Variants in CLIP2 observed in about 807,000 individuals in gnomAD.
CLIP2 encodes the protein CAP-Gly domain-containing linker protein 2.
Under a neutral mutation model 111.7 loss-of-function variants are expected in CLIP2, and 41 were observed. The observed-to-expected ratio is 0.37, with a 90% CI of 0.29 to 0.48. The LOEUF is 0.48. Among genes scored for constraint, CLIP2 ranks in the 20% least tolerant of loss-of-function variants. CLIP2 has a pLI of 0.99. For missense variants in CLIP2, 1,160 were observed against 1,422.1 expected (o/e 0.82, Z 2.96); for synonymous variants, 660 against 644.2 (o/e 1.02, Z -0.37).
intron 2 of CLIP2, among the ~76,000 whole-genome samples, chr7:74,318,520 C>T (rs559138222): frequency 6.6e-6 from 1 of 152,236 alleles, no homozygotes; most frequent in South Asian, 2.1e-4. Context: ...CAAGACCAGC[C>T]TGGGCAACAT....
At chr7:74,317,040 A>T (rs1788796089) in intron 1 of CLIP2, among the ~76,000 whole-genome samples, 1 of 152,184 alleles carries the variant, frequency 6.6e-6, no homozygotes, top group African/African-American at 2.4e-5. Context: ...TACCCAGTCT[A>T]AAAGTGGTCT....
At chr7:74,328,872 G>C (rs1353670308) in intron 2 of CLIP2, among the ~76,000 whole-genome samples, 1 of 150,678 alleles carries the variant, frequency 6.6e-6, no homozygotes, top group Non-Finnish European at 1.5e-5. Flanking sequence ...CAAGTAGCTG[G>C]TGCGCACCAC....
At position 74,337,787 on chromosome 7, in the gene CLIP2, G is replaced by A. The variant is rs143366721; in HGVS notation, c.122-661G>A. Among the ~76,000 whole-genome samples, 444 of 151,996 alleles carry A rather than the reference G, an allele frequency of 2.9e-3. 1 individual carries two copies. Among genetic ancestry groups the A allele is most frequent in the African/African-American group, 0.01 (425 of 41,454 alleles). On this transcript the variant is annotated intron_variant, in intron 2 of 16. Coordinates refer to ENST00000223398, the MANE Select transcript of CLIP2 (RefSeq NM_003388.5). ...ATTATTTTATTTTTAGTAGAGATGGGGTTTCACCATATTGGTCAGGCTGGT... is the reference window on the plus strand; with the variant it reads ...ATTATTTTATTTTTAGTAGAGATGGAGTTTCACCATATTGGTCAGGCTGGT...
chr7:74,305,104 G>A (rs1269406343), intron 1 of CLIP2, among the ~76,000 whole-genome samples: 10 of 149,138 alleles, frequency 6.7e-5, no homozygotes, highest in Admixed American at 5.4e-4. Context: ...TTGCCAGGGA[G>A]GACCCTCTAG....
intron 1 of CLIP2, among the ~76,000 whole-genome samples, chr7:74,310,815 G>A (rs914884245): frequency 8.6e-5 from 13 of 151,242 alleles, no homozygotes; most frequent in African/African-American, 1.9e-4. Context: ...GGGTTCAAGC[G>A]ATTCTTGTGC....
chr7:74,350,052 G>T (rs374536245), intron 3 of CLIP2, among the ~76,000 whole-genome samples: 1 of 151,520 alleles, frequency 6.6e-6, no homozygotes, highest in East Asian at 2.0e-4. Context: ...TTCTCTTTGG[G>T]ATGATGGTTA....
chr7:74,373,655 C>G (rs992799264), intron 9 of CLIP2, among the ~76,000 whole-genome samples: 4 of 152,216 alleles, frequency 2.6e-5, no homozygotes, highest in Non-Finnish European at 4.4e-5. Context: ...CCAGTCTCCC[C>G]GATGCATTGC....
chr7:74,307,183 C>T (rs1564028716), intron 1 of CLIP2, among the ~76,000 whole-genome samples: 1 of 152,200 alleles, frequency 6.6e-6, no homozygotes, highest in Non-Finnish European at 1.5e-5. Context: ...GACTGAATGC[C>T]GCCTTGGTTC....
chr7:74,358,774 T>C (rs1554309081), intron 6 of CLIP2, among the ~76,000 whole-genome samples: 1 of 151,984 alleles, frequency 6.6e-6, no homozygotes, highest in East Asian at 1.9e-4. Flanking sequence ...TCTTGCTATG[T>C]TGCCCAGGCT....
At chr7:74,302,237 A>G (rs1273440488) in intron 1 of CLIP2, among the ~76,000 whole-genome samples, 1 of 151,884 alleles carries the variant, frequency 6.6e-6, no homozygotes, top group African/African-American at 2.4e-5. Context: ...TTTTTTTGAA[A>G]TAGAGTCTTA....
At chr7:74,316,920 A>G (rs1788791773) in intron 1 of CLIP2, among the ~76,000 whole-genome samples, 1 of 149,554 alleles carries the variant, frequency 6.7e-6, no homozygotes, top group Non-Finnish European at 1.5e-5. Flanking sequence ...AAAAGGTTTT[A>G]CTCTGTCACC....
At position 74,322,541 on chromosome 7, in the gene CLIP2, A is replaced by C. The variant is rs575516119; in HGVS notation, c.121+4874A>C. 2.2e-3 allele frequency among the ~76,000 whole-genome samples: 335 copies of C among 152,034 alleles called. 1 individual carries two copies. Among genetic ancestry groups the C allele is most frequent in the South Asian group, 4.4e-3 (21 of 4,804 alleles). On this transcript the variant is annotated intron_variant, in intron 2 of 16. Transcript: ENST00000223398. The stretch of plus-strand genomic sequence containing the variant: ...CAGTGAGCCGAGACCACACCACTGC[A>C]CTCCAGCCTGGGCAACAGAGTGAGA...
chr7:74,330,208 C>T (rs1201662550), intron 2 of CLIP2, among the ~76,000 whole-genome samples: 2 of 151,332 alleles, frequency 1.3e-5, no homozygotes, highest in Non-Finnish European at 2.9e-5. Flanking sequence ...GGACTACAGG[C>T]TTGAGCCACT....
intron 1 of CLIP2, among the ~76,000 whole-genome samples, chr7:74,303,594 ATTTT>A (rs782240875): frequency 9.5e-6 from 1 of 105,622 alleles, no homozygotes; most frequent in Admixed American, 9.5e-5. Context: ...TGTGTCTCTT[ATTTT>A]TTTTTTTTTT....
intron 11 of CLIP2, among the ~76,000 whole-genome samples, chr7:74,385,962 G>A (rs549715744): frequency 6.0e-5 from 9 of 151,118 alleles, no homozygotes; most frequent in Non-Finnish European, 1.2e-4. Context: ...GGCTGGTCTC[G>A]AACTCCCGAC....
intron 7 of CLIP2, among the ~76,000 whole-genome samples, chr7:74,363,744 TGA>T (rs1554310216): frequency 6.6e-6 from 1 of 151,872 alleles, no homozygotes; most frequent in Non-Finnish European, 1.5e-5. Context: ...AATTTTTTAT[TGA>T]GGTTGCATGC....
chr7:74,379,861 C>T (rs565650454), intron 10 of CLIP2, among the ~76,000 whole-genome samples: 2 of 151,964 alleles, frequency 1.3e-5, no homozygotes, highest in East Asian at 1.9e-4. Flanking sequence ...GCAGGAGAAT[C>T]GCTTGAACCC....
In CLIP2 at chr7:74,311,470, G is replaced by A. The variant is rs554747898; in HGVS notation, c.-67-6010G>A. Among the ~76,000 whole-genome samples the A allele has an allele frequency of 6.6e-5, 10 of 152,266 alleles. No homozygotes were observed. The South Asian group carries it at 2.1e-3, about 32-fold the overall frequency. The stretch of plus-strand genomic sequence containing the variant: ...TCTCTTGTTTTGATCTGTATTGCCT[G>A]GATGAGTAATGATGTTAGTCATCTT... On this transcript the variant is annotated intron_variant, in intron 1 of 16. Coordinates refer to ENST00000223398, the MANE Select transcript of CLIP2 (RefSeq NM_003388.5).
chr7:74,361,646 T>A (rs1295108067), intron 7 of CLIP2, among the ~76,000 whole-genome samples: 1 of 152,132 alleles, frequency 6.6e-6, no homozygotes, highest in Non-Finnish European at 1.5e-5. Context: ...GCCTTCCAGG[T>A]AACTGGGACT....
Sources: gnomAD v4.1 joint callset for allele counts (sites outside exome capture counted in the v4.1 genomes callset) on GRCh38, gnomAD v4.1.1 for gene constraint, MANE v1.5 for transcripts, NCBI Gene and HGNC (gene_info 2026-07-23, HGNC 2026-07-21) for gene names.